FBXO42: variants seen among roughly 807,000 people sequenced by gnomAD.
FBXO42 encodes F-box only protein 42.
A neutral mutation model predicts 71.7 loss-of-function variants in FBXO42; 12 were observed. The ratio of observed to expected loss-of-function variants is 0.17; its 90% CI spans 0.11 to 0.27. The LOEUF (loss-of-function observed/expected upper bound fraction) is 0.27. FBXO42 is among the 10% of genes least tolerant of loss of function. The pLI is 1.00. For synonymous variants in FBXO42, 325 were observed against 327.5 expected, an observed-to-expected ratio of 0.99 and a Z score of 0.08; for missense variants, 707 against 911.9, an observed-to-expected ratio of 0.78 and a Z score of 2.89.
At chr1:16,253,782 A>T in intron 6 of FBXO42, 51 bp from the exon 7 acceptor site, 1 of 1,547,734 alleles carries the variant, frequency 6.5e-7, no homozygotes, top group Non-Finnish European at 8.9e-7. Context: ...CCCAGGGACC[A>T]TAATGGTGGC....
At chr1:16,290,187 A>G (rs1261333582) in intron 4 of FBXO42, among the ~76,000 whole-genome samples, 1 of 152,214 alleles carries the variant, frequency 6.6e-6, no homozygotes, top group Admixed American at 6.5e-5. Flanking sequence ...CAGATGGAGC[A>G]CTTCTATCAT....
chr1:16,308,740 GTT>G (rs35488648), intron 2 of FBXO42, among the ~76,000 whole-genome samples: 49 of 80,630 alleles, frequency 6.1e-4, no homozygotes, highest in African/African-American at 2.4e-3. Flanking sequence ...CCCCATCTCT[GTT>G]TTTTTTTTTT....
intron 1 of FBXO42, among the ~76,000 whole-genome samples, chr1:16,342,240 T>C (rs1324754418): frequency 2.7e-5 from 4 of 150,850 alleles, no homozygotes; most frequent in African/African-American, 9.8e-5. Context: ...CTACTAAAAA[T>C]ACAAAATTAG....
Position 16,315,304 on chromosome 1 carries a change from C to T in FBXO42, c.115G>A (p.Glu39Lys), listed in dbSNP as rs776614094. 5.6e-6 allele frequency: 9 copies of T among 1,614,140 alleles called. No individual in the cohort carries two copies. Among genetic ancestry groups the T allele is most frequent in the Non-Finnish European group, 7.6e-6 (9 of 1,180,030 alleles). Reference protein sequence around the residue: ...DEEPHPVLEAEETRHNRSMSE... With the variant: ...DEEPHPVLEAKETRHNRSMSE... The stretch of plus-strand genomic sequence containing the variant: ...ATGGACCTATTATGTCTAGTCTCCT[C>T]AGCCTCCAATACTGGGTGGGGCTCC... Residue 39 changes from glutamate (E) to lysine (K), a missense_variant, in exon 2 of 10, where the codon GAG (glutamate) becomes AAG (lysine). Coordinates refer to ENST00000375592, the MANE Select transcript of FBXO42 (RefSeq NM_018994.3).
intron 1 of FBXO42, among the ~76,000 whole-genome samples, chr1:16,321,742 G>C (rs2082410652): frequency 6.6e-6 from 1 of 151,130 alleles, no homozygotes; most frequent in Admixed American, 6.6e-5. Flanking sequence ...GCCCAGGCTA[G>C]AGTGCAGTGG....
chr1:16,335,018 A>G (rs2082538355), intron 1 of FBXO42, among the ~76,000 whole-genome samples: 1 of 134,092 alleles, frequency 7.5e-6, no homozygotes, highest in African/African-American at 2.7e-5. Context: ...CTTGAGCCCA[A>G]GAGTTCAACA....
intron 4 of FBXO42, among the ~76,000 whole-genome samples, chr1:16,260,628 C>G (rs936436347): frequency 1.3e-5 from 2 of 152,184 alleles, no homozygotes; most frequent in African/African-American, 4.8e-5. Context: ...CTTTAAATAA[C>G]TTGTCCAAGG....
At chr1:16,253,248 C>T in intron 7 of FBXO42, 96 bp from the exon 8 acceptor site, 1 of 1,026,418 alleles carries the variant, frequency 9.7e-7, no homozygotes, top group South Asian at 1.5e-5. Flanking sequence ...ACCTAGCTCC[C>T]AAATGGGAAT....
chr1:16,316,169 C>CAAAAA (rs58485035), intron 1 of FBXO42, among the ~76,000 whole-genome samples: 13 of 109,030 alleles, frequency 1.2e-4, no homozygotes, highest in South Asian at 6.7e-4. Context: ...ACCTCCATCT[C>CAAAAA]AAAAAAAAAA....
chr1:16,274,090 G>A (rs2081873122), intron 4 of FBXO42, among the ~76,000 whole-genome samples: 1 of 152,100 alleles, frequency 6.6e-6, no homozygotes, highest in Non-Finnish European at 1.5e-5. Flanking sequence ...CAGGAGGATT[G>A]TTTGAGACCA....
At chr1:16,319,300 C>T (rs1486729580) in intron 1 of FBXO42, among the ~76,000 whole-genome samples, 1 of 152,196 alleles carries the variant, frequency 6.6e-6, no homozygotes, top group East Asian at 1.9e-4. Context: ...AATTCATGCA[C>T]TAATTATGTG....
chr1:16,267,586 C>A (rs1019514944), intron 4 of FBXO42, among the ~76,000 whole-genome samples: 1 of 152,182 alleles, frequency 6.6e-6, no homozygotes, highest in African/African-American at 2.4e-5. Flanking sequence ...GAGGCATCAG[C>A]CCACCTTTGG....
chr1:16,268,999 G>A (rs956528701), intron 4 of FBXO42, among the ~76,000 whole-genome samples: 8 of 151,734 alleles, frequency 5.3e-5, no homozygotes, highest in African/African-American at 1.7e-4. Context: ...GCAGAGATGG[G>A]AGTGTTTCAC....
intron 3 of FBXO42, among the ~76,000 whole-genome samples, chr1:16,296,096 T>C (rs2082126144): frequency 6.6e-6 from 1 of 152,296 alleles, no homozygotes; most frequent in South Asian, 2.1e-4. Flanking sequence ...AGCCAGAGTC[T>C]AGAAAAGATG....
At chr1:16,300,894 T>A (rs63538462) in intron 3 of FBXO42, among the ~76,000 whole-genome samples, 1 of 65,906 alleles carries the variant, frequency 1.5e-5, no homozygotes, top group Non-Finnish European at 3.3e-5. Flanking sequence ...AGAATTGGCC[T>A]TTTTTTTTTT....
Position 16,337,883 on chromosome 1 carries a change from CAAAAAAAAAAAAAAA to C in FBXO42, c.-18+14357_-18+14371del, listed in dbSNP as rs60328879. 1.1e-3 allele frequency among the ~76,000 whole-genome samples: 44 copies of C among 38,856 alleles called. No individual in the cohort carries two copies. The East Asian group carries it at 0.013, about 11-fold the overall frequency. 25.5% of individuals were successfully genotyped at this position (38,856 alleles called of 152,430 possible). On this transcript the variant is annotated intron_variant, in intron 1 of 9. Transcript: ENST00000375592. ...TGGGAGAAAGAGCGAGACTCCGTCT[CAAAAAAAAAAAAAAA>C]AAAAAAAAAAAAAAAAAAGAATAAT...
chr1:16,315,193 T>G lies in FBXO42; in HGVS notation c.226A>C (p.Lys76Gln). The part of the protein sequence containing the change: ...QEHKTAALVC[K>Q]QWYRLIKGVA... Reference sequence around the variant, plus strand: ...CCTTTGATAAGTCGATACCACTGTTTGCAGACAAGGGCCGCAGTTTTGTGT... The same window carrying G: ...CCTTTGATAAGTCGATACCACTGTTGGCAGACAAGGGCCGCAGTTTTGTGT... Residue 76 changes from lysine to glutamine, a missense_variant, in exon 2 of 10, where the codon AAA becomes CAA. Coordinates refer to ENST00000375592, the MANE Select transcript of FBXO42 (RefSeq NM_018994.3). The G allele has an allele frequency of 1.2e-6, 2 of 1,613,932 alleles. No homozygotes were observed. Among genetic ancestry groups the G allele is most frequent in the Non-Finnish European group, 1.7e-6 (2 of 1,179,800 alleles).
At chr1:16,284,839 A>G (rs1326793466) in intron 4 of FBXO42, among the ~76,000 whole-genome samples, 1 of 152,088 alleles carries the variant, frequency 6.6e-6, no homozygotes, top group Non-Finnish European at 1.5e-5. Context: ...GTGGTGGTAC[A>G]TGCCTGTAAT....
chr1:16,331,329 C>T (rs1242049047), intron 1 of FBXO42, among the ~76,000 whole-genome samples: 6 of 151,810 alleles, frequency 4.0e-5, no homozygotes, highest in Non-Finnish European at 7.4e-5. Context: ...AGGAGAATGG[C>T]GTGAACCCGG....
Sources: allele counts gnomAD v4.1 joint callset (sites outside exome capture counted in the v4.1 genomes callset), GRCh38; gene constraint gnomAD v4.1.1; transcripts MANE v1.5; gene names NCBI Gene and HGNC (gene_info 2026-07-23, HGNC 2026-07-21).